ACAD10: variants seen among roughly 807,000 people sequenced by gnomAD.
The protein encoded by ACAD10 is acyl-CoA dehydrogenase family member 10, also known as ACAD-10.
ACAD10 carries 112 observed loss-of-function variants against 116.8 expected under a neutral mutation model. The observed-to-expected ratio is 0.96, with a 90% CI of 0.82 to 1.12. The LOEUF (loss-of-function observed/expected upper bound fraction) is 1.12, where lower values mean the gene tolerates loss of function less well. Ranked by LOEUF, ACAD10 falls within the 50% of genes most tolerant of loss-of-function variation. The pLI is 0.00. For synonymous variants in ACAD10, 486 were observed against 510.6 expected, an observed-to-expected ratio of 0.95 and a Z score of 0.65; for missense variants, 1,259 against 1,350.2, an observed-to-expected ratio of 0.93 and a Z score of 1.06.
At chr12:111,712,888 G>C (rs112034698) in intron 6 of ACAD10, among the ~76,000 whole-genome samples, 1 of 152,170 alleles carries the variant, frequency 6.6e-6, no homozygotes, top group Non-Finnish European at 1.5e-5. Context: ...TCTTACACCT[G>C]AGAGTGTGGT....
chr12:111,756,224 A>G, intron 20 of ACAD10, 109 bp from the exon 21 acceptor site: 1 of 1,456,808 alleles, frequency 6.9e-7, no homozygotes, highest in South Asian at 1.5e-5. Flanking sequence ...GCCACAGGGA[A>G]GTCCGGGAAG....
At chr12:111,718,082 C>CTTTTTTT (rs1888901612) in intron 7 of ACAD10, among the ~76,000 whole-genome samples, 1 of 53,312 alleles carries the variant, frequency 1.9e-5, no homozygotes, top group African/African-American at 7.8e-5. Context: ...TGGAGTCTTG[C>CTTTTTTT]TTTGTCATCC....
intron 3 of ACAD10, 112 bp downstream of exon 3, chr12:111,702,422 C>T: frequency 7.1e-7 from 1 of 1,405,002 alleles, no homozygotes; most frequent in Non-Finnish European, 9.7e-7. Flanking sequence ...CCTAATAACC[C>T]ATTACATGTT....
At position 111,748,348 on chromosome 12, in the gene ACAD10, G is replaced by A; in HGVS notation, c.2517G>A (p.Val839=). ...GILDPRCQLC[V]FMGKTDPHAP... ...TGGATCCTCGTTGCCAACTCTGTGT[G>A]TTTATGGGAAAAACAGACCCACATG... The change falls in exon 17 of 21, where the codon GTG becomes GTA. Residue 839 remains valine (V), a synonymous_variant. Coordinates refer to ENST00000313698, the MANE Select transcript of ACAD10 (RefSeq NM_025247.6). 2 of 1,614,162 alleles carry A rather than the reference G, an allele frequency of 1.2e-6. No homozygotes were observed. The highest frequency in any genetic ancestry group is 2.2e-5 in the South Asian group (2 of 91,082).
intron 4 of ACAD10, among the ~76,000 whole-genome samples, chr12:111,708,305 C>G (rs902460430): frequency 6.6e-6 from 1 of 152,126 alleles, no homozygotes; most frequent in African/African-American, 2.4e-5. Flanking sequence ...CCGAATGCTT[C>G]CTGGAACTTT....
At chr12:111,725,909 C>T (rs1013210842) in intron 8 of ACAD10, among the ~76,000 whole-genome samples, 10 of 152,114 alleles carry the variant, frequency 6.6e-5, no homozygotes, top group African/African-American at 2.4e-4. Context: ...ATATCTAACC[C>T]ATGTTCAAAT....
intron 10 of ACAD10, 55 bp downstream of exon 10, chr12:111,730,011 G>A (rs1566158933): frequency 1.3e-6 from 2 of 1,578,048 alleles, no homozygotes; most frequent in Admixed American, 1.8e-5. Flanking sequence ...CTCCAAGGGG[G>A]AATTGAGCAA....
rs1436685301 is a variant in ACAD10 at position 111,744,728 on chromosome 12, AG to A, written c.1803del (p.Phe602SerfsTer13). 1 of 1,614,138 alleles carries A rather than the reference AG, an allele frequency of 6.2e-7. No homozygotes were observed. The highest frequency in any genetic ancestry group is 8.5e-7 in the Non-Finnish European group (1 of 1,180,048). The part of the protein sequence containing the change: ...NLAWDFAVKE[G>X]FRVFKEMPFT... ...TGGCGTGGGATTTCGCAGTCAAAGA[AG>A]GGTTCCGGGTTTTCAAAGAGATGCC... On this transcript the variant is annotated frameshift_variant, in exon 13 of 21. Transcript: ENST00000313698. LOFTEE classifies it high-confidence loss of function.
chr12:111,736,951 C>A lies in ACAD10; in HGVS notation c.1661C>A (p.Ser554Tyr). Residue 554 changes from serine (S) to tyrosine (Y), a missense_variant, in exon 12 of 21, where the codon TCC (serine) becomes TAC (tyrosine). Coordinates refer to ENST00000313698, the MANE Select transcript of ACAD10 (RefSeq NM_025247.6). ...TENWNFYMAFSFFRVAAILQG... is the reference protein window; with the variant it reads ...TENWNFYMAFYFFRVAAILQG... ...AACTGGAACTTCTATATGGCTTTTT[C>A]CTTTTTCCGTGTGGCTGCAATCCTA... is the stretch of plus-strand genomic sequence containing the variant. 1 of 1,613,976 alleles carries A rather than the reference C, an allele frequency of 6.2e-7. No individual in the cohort carries two copies. The highest frequency in any genetic ancestry group is 8.5e-7 in the Non-Finnish European group (1 of 1,179,962).
In ACAD10 at chr12:111,705,950, G is replaced by A. The variant is rs758233983; in HGVS notation, c.531+18G>A. On this transcript the variant is annotated intron_variant, in intron 4 of 20. Coordinates refer to ENST00000313698, the MANE Select transcript of ACAD10 (RefSeq NM_025247.6). ...TTGATGTGGTAAGCTTGAGCTAATT[G>A]AAAACCATTGGAACAGAATCTGTGC... 11 of 1,612,406 alleles carry A rather than the reference G, an allele frequency of 6.8e-6. No homozygotes were observed. In the South Asian group the frequency reaches 1.2e-4, roughly 18 times the overall value.
intron 1 of ACAD10, among the ~76,000 whole-genome samples, chr12:111,686,629 TCGCTTGAAC>T (rs1887864768): frequency 1.3e-5 from 2 of 152,148 alleles, no homozygotes; most frequent in Admixed American, 1.3e-4. Context: ...GACAGGAGAA[TCGCTTGAAC>T]CCGGGAGGCG....
chr12:111,730,497 G>A (rs1889355223), intron 10 of ACAD10, among the ~76,000 whole-genome samples: 1 of 151,444 alleles, frequency 6.6e-6, no homozygotes, highest in Non-Finnish European at 1.5e-5. Flanking sequence ...CTGTAGCACG[G>A]CTAAAATGGG....
chr12:111,715,923 C>T lies in ACAD10; in HGVS notation c.953C>T (p.Thr318Ile), dbSNP rs748425597. 1.2e-6 allele frequency: 2 copies of T among 1,614,080 alleles called. No individual in the cohort carries two copies. Among genetic ancestry groups the T allele is most frequent in the African/African-American group, 1.3e-5 (1 of 75,032 alleles). The change falls in exon 7 of 21, where the codon ACA becomes ATA. Residue 318 changes from threonine to isoleucine, a missense_variant. By Grantham distance (89) the Thr-to-Ile change is moderately conservative. Transcript: ENST00000313698. ...GTTCTGAGGAAGAAGCCCCCAGGGA[C>T]ACTCCTTCCATCTGCCCATGCCATA... ...DLVLRKKPPG[T>I]LLPSAHAIER...
In ACAD10 at chr12:111,753,756, TCTC is replaced by T. The variant is rs2135995898; in HGVS notation, c.2818-13_2818-11del. On this transcript the variant is annotated splice_polypyrimidine_tract_variant and intron_variant, in intron 18 of 20. Transcript: ENST00000313698. ...AGCCCAGCATGTCCTCAGCCGCACA[TCTC>T]CTGTGTCGACAGGTGAAGTCCCGCT... The T allele has an allele frequency of 6.2e-7, 1 of 1,613,744 alleles. No homozygotes were observed. The highest frequency in any genetic ancestry group is 1.7e-5 in the Admixed American group (1 of 60,022).
chr12:111,701,649 A>C (rs1414567287), intron 2 of ACAD10, among the ~76,000 whole-genome samples: 1 of 152,098 alleles, frequency 6.6e-6, no homozygotes, highest in Non-Finnish European at 1.5e-5. Context: ...TGGGTGACTG[A>C]GTGAGGCTTT....
intron 3 of ACAD10, among the ~76,000 whole-genome samples, 199 bp from the exon 4 acceptor site, chr12:111,705,539 G>A (rs1888475460): frequency 6.6e-6 from 1 of 152,184 alleles, no homozygotes; most frequent in Non-Finnish European, 1.5e-5. Flanking sequence ...TCTAGTCCTG[G>A]ATAACTTTTA....
chr12:111,739,582 C>T (rs1889670774), intron 12 of ACAD10, among the ~76,000 whole-genome samples: 1 of 152,116 alleles, frequency 6.6e-6, no homozygotes, highest in Non-Finnish European at 1.5e-5. Context: ...CATGGGGAAA[C>T]CCTGTCTCTA....
At chr12:111,733,078 C>T (rs1417375816) in intron 10 of ACAD10, among the ~76,000 whole-genome samples, 1 of 151,998 alleles carries the variant, frequency 6.6e-6, no homozygotes, top group Non-Finnish European at 1.5e-5. Context: ...AGCATGGCAA[C>T]TTCTGGGTAA....
At chr12:111,740,386 G>T (rs1237014120) in intron 12 of ACAD10, among the ~76,000 whole-genome samples, 1 of 151,228 alleles carries the variant, frequency 6.6e-6, no homozygotes, top group Non-Finnish European at 1.5e-5. Context: ...ACTTGAACCC[G>T]GGAGGCAGAG....
Sources: allele counts gnomAD v4.1 joint callset (sites outside exome capture counted in the v4.1 genomes callset), GRCh38; gene constraint gnomAD v4.1.1; transcripts MANE v1.5; gene names NCBI Gene and HGNC (gene_info 2026-07-23, HGNC 2026-07-21).